Variants in AHDC1 observed in about 807,000 individuals in gnomAD.
AHDC1 encodes AT-hook DNA binding motif containing 1.
A neutral mutation model predicts 87.9 loss-of-function variants in AHDC1; 7 were observed. That is an observed-to-expected ratio of 0.08 (90% CI 0.05 to 0.15). AHDC1 has a LOEUF of 0.15. Ranked by LOEUF, AHDC1 falls within the 10% of genes least tolerant of loss-of-function variation. The pLI, the probability that AHDC1 is intolerant of heterozygous loss-of-function variation, is 1.00. For synonymous variants in AHDC1, 1,051 were observed against 1,006.8 expected, an observed-to-expected ratio of 1.04 and a Z score of -0.83; for missense variants, 1,841 against 2,253.2, an observed-to-expected ratio of 0.82 and a Z score of 3.70.
chr1:27,600,181 G>A (rs1431274824), intron 3 of AHDC1, among the ~76,000 whole-genome samples: 1 of 151,502 alleles, frequency 6.6e-6, no homozygotes, highest in Non-Finnish European at 1.5e-5. Flanking sequence ...TCGCTCCCCC[G>A]CCCCCCTCCC....
At chr1:27,566,941 G>A (rs2020348057) in intron 3 of AHDC1, among the ~76,000 whole-genome samples, 1 of 151,894 alleles carries the variant, frequency 6.6e-6, no homozygotes, top group Non-Finnish European at 1.5e-5. Flanking sequence ...CAGAAAGGCA[G>A]GGTAAGGAAG....
In AHDC1 at chr1:27,550,073, GC is replaced by G; in HGVS notation, c.2042del (p.Gly681AlafsTer51). 1 of 1,607,902 alleles carries G rather than the reference GC, an allele frequency of 6.2e-7. No homozygotes were observed. The highest frequency in any genetic ancestry group is 8.5e-7 in the Non-Finnish European group (1 of 1,177,070). On this transcript the variant is annotated frameshift_variant, in exon 8 of 9. Transcript: ENST00000673934. LOFTEE classifies it high-confidence loss of function. ...AGCATCGGGCTGACTTGGCCGCATGGCCCCCACCCCGGCCACCAAAACCGCC... is the reference window on the plus strand; with the variant it reads ...AGCATCGGGCTGACTTGGCCGCATGGCCCCACCCCGGCCACCAAAACCGCC... ...KAGGFGGRGGGHAAKSARCSF... is the reference protein window; with the variant it reads ...KAGGFGGRGGXHAAKSARCSF...
intron 5 of AHDC1, among the ~76,000 whole-genome samples, chr1:27,557,953 C>T (rs886267301): frequency 1.3e-5 from 2 of 152,214 alleles, no homozygotes; most frequent in African/African-American, 2.4e-5. Flanking sequence ...CATTTACATT[C>T]GGATACACAC....
At chr1:27,570,193 C>A (rs1166151711) in intron 3 of AHDC1, among the ~76,000 whole-genome samples, 1 of 152,114 alleles carries the variant, frequency 6.6e-6, no homozygotes, top group Non-Finnish European at 1.5e-5. Context: ...CTCCCTGCCC[C>A]CTGCCCAAGC....
intron 3 of AHDC1, among the ~76,000 whole-genome samples, chr1:27,573,989 C>A (rs2088625332): frequency 6.6e-6 from 1 of 152,196 alleles, no homozygotes; most frequent in Non-Finnish European, 1.5e-5. Context: ...ACAGGGAGAA[C>A]TGGGGATAGG....
chr1:27,548,510 C>T lies in AHDC1; in HGVS notation c.3606G>A (p.Glu1202=), dbSNP rs1253060342. 25 of 1,613,842 alleles carry T rather than the reference C, an allele frequency of 1.5e-5. No individual in the cohort carries two copies. Among genetic ancestry groups the T allele is most frequent in the Non-Finnish European group, 1.9e-5 (23 of 1,180,060 alleles). The part of the protein sequence containing the change: ...SEGQSSLSSL[E]KLMMDWNEAS... ...CCTCGTTCCAGTCCATCATCAGTTT[C>T]TCCAGGCTGGACAGGCTCGACTGGC... is the stretch of plus-strand genomic sequence containing the variant. Residue 1202 remains glutamate, a synonymous_variant, in exon 8 of 9, where the codon GAG becomes GAA. Coordinates refer to ENST00000673934, the MANE Select transcript of AHDC1 (RefSeq NM_001371928.1).
At chr1:27,543,948 GAAAA>G (rs113660977) in intron 8 of AHDC1, among the ~76,000 whole-genome samples, 2 of 127,486 alleles carry the variant, frequency 1.6e-5, no homozygotes, top group African/African-American at 5.8e-5. Flanking sequence ...ATCTCAAAAA[GAAAA>G]AAAAAAAAAA....
At chr1:27,575,306 C>T (rs1188589331) in intron 3 of AHDC1, among the ~76,000 whole-genome samples, 1 of 152,212 alleles carries the variant, frequency 6.6e-6, no homozygotes, top group Non-Finnish European at 1.5e-5. Context: ...GAGAGGGAAA[C>T]CAGGCGGCTG....
In AHDC1 at chr1:27,549,506, G is replaced by T. The variant is rs1248377869; in HGVS notation, c.2610C>A (p.Thr870=). 6.2e-7 allele frequency: 1 copy of T among 1,613,304 alleles called. No homozygotes were observed. Among genetic ancestry groups the T allele is most frequent in the Admixed American group, 1.7e-5 (1 of 60,030 alleles). ...GGGCACTGGTGGGTGGCCCTGCATAGGTGCCCGATGCCTTCCGGGACTCTG... is the reference window on the plus strand; with the variant it reads ...GGGCACTGGTGGGTGGCCCTGCATATGTGCCCGATGCCTTCCGGGACTCTG... ...SRPESRKASG[T]YAGPPTSALP... is the part of the protein sequence containing the mutation. The change falls in exon 8 of 9, where the codon ACC becomes ACA. Residue 870 remains threonine, a synonymous_variant. Transcript: ENST00000673934.
intron 3 of AHDC1, among the ~76,000 whole-genome samples, chr1:27,591,887 T>C (rs1322258547): frequency 6.6e-6 from 1 of 152,160 alleles, no homozygotes; most frequent in East Asian, 1.9e-4. Context: ...TGACACATAA[T>C]AAGTGCTTGA....
In AHDC1 at chr1:27,549,815, C is replaced by T. The variant is rs770329151; in HGVS notation, c.2301G>A (p.Glu767=). ...AGCCACCACCCTTATCCCCGGCCCA[C>T]TCAGCACCTGCCTCCCCAAAGCCTG... The part of the protein sequence containing the change: ...SGPGFGEAGA[E]WAGDKGGGWA... Residue 767 remains glutamate, a synonymous_variant, in exon 8 of 9, where the codon GAG becomes GAA. Transcript: ENST00000673934. 4 of 1,613,592 alleles carry T rather than the reference C, an allele frequency of 2.5e-6. No homozygotes were observed. Among genetic ancestry groups the T allele is most frequent in the Non-Finnish European group, 2.5e-6 (3 of 1,179,970 alleles).
At chr1:27,569,751 C>T (rs576305050) in intron 3 of AHDC1, among the ~76,000 whole-genome samples, 4 of 152,200 alleles carry the variant, frequency 2.6e-5, no homozygotes, top group Admixed American at 1.3e-4. Flanking sequence ...CCCTGACCCC[C>T]GGATGACAAA....
chr1:27,557,337 C>T (rs1384804311), intron 5 of AHDC1, among the ~76,000 whole-genome samples: 1 of 151,526 alleles, frequency 6.6e-6, no homozygotes, highest in Admixed American at 6.6e-5. Context: ...CGGAGGACTC[C>T]CCTCCTCCAG....
chr1:27,573,181 C>T (rs771031256), intron 3 of AHDC1, among the ~76,000 whole-genome samples: 3 of 152,172 alleles, frequency 2.0e-5, no homozygotes, highest in Non-Finnish European at 2.9e-5. Flanking sequence ...ACTTGGTTCT[C>T]TGTGTGCGCC....
chr1:27,596,861 C>T (rs1162049458), intron 3 of AHDC1, among the ~76,000 whole-genome samples: 1 of 151,866 alleles, frequency 6.6e-6, no homozygotes, highest in Admixed American at 6.6e-5. Flanking sequence ...ACACACACAC[C>T]CACACACTCC....
At chr1:27,580,008 C>G (rs58320318) in intron 3 of AHDC1, among the ~76,000 whole-genome samples, 1,739 of 152,228 alleles carry the variant, frequency 0.011, 35 homozygotes, top group African/African-American at 0.037. Flanking sequence ...GTTCCAAATC[C>G]TACTCTGATC....
chr1:27,546,671 AG>A (rs1442962141), intron 8 of AHDC1, among the ~76,000 whole-genome samples: 6 of 152,166 alleles, frequency 3.9e-5, no homozygotes, highest in Admixed American at 2.6e-4. Flanking sequence ...AGGCCAAGAG[AG>A]GACATTTTGG....
In AHDC1 at chr1:27,561,408, A is replaced by T. The variant is rs2020075883; in HGVS notation, c.-628-2525T>A. Among the ~76,000 whole-genome samples, 1 of 152,146 alleles carries T rather than the reference A, an allele frequency of 6.6e-6. No homozygotes were observed. The highest frequency in any genetic ancestry group is 1.5e-5 in the Non-Finnish European group (1 of 68,016). ...TCCACAACCTGATACTCCCCAGCAGATAAACGTCAGGCCCCCACCCAGTGT... is the reference window on the plus strand; with the variant it reads ...TCCACAACCTGATACTCCCCAGCAGTTAAACGTCAGGCCCCCACCCAGTGT... On this transcript the variant is annotated intron_variant, in intron 3 of 8. Coordinates refer to ENST00000673934, the MANE Select transcript of AHDC1 (RefSeq NM_001371928.1). The surrounding 1 kb of genome is among the most constrained non-coding windows in gnomAD (Gnocchi z 4.2).
In AHDC1 at chr1:27,598,999, G is replaced by C. The variant is rs1052642463; in HGVS notation, c.-629+4398C>G. Reference sequence around the variant, plus strand: ...AGCTCACAGTCCAAATCCCACAATGGATGGGGAAACTGAGGCCCAAGAGGA... The same window carrying C: ...AGCTCACAGTCCAAATCCCACAATGCATGGGGAAACTGAGGCCCAAGAGGA... On this transcript the variant is annotated intron_variant, in intron 3 of 8. Coordinates refer to ENST00000673934, the MANE Select transcript of AHDC1 (RefSeq NM_001371928.1). The surrounding 1 kb of genome is among the most constrained non-coding windows in gnomAD (Gnocchi z 4.2). Among the ~76,000 whole-genome samples, 2 of 152,102 alleles carry C rather than the reference G, an allele frequency of 1.3e-5. No individual in the cohort carries two copies. The highest frequency in any genetic ancestry group is 4.8e-5 in the African/African-American group (2 of 41,400).
Sources: allele counts gnomAD v4.1 joint callset (sites outside exome capture counted in the v4.1 genomes callset), GRCh38; gene constraint gnomAD v4.1.1; non-coding constraint Gnocchi (gnomAD v3.1); transcripts MANE v1.5; gene names NCBI Gene and HGNC (gene_info 2026-07-23, HGNC 2026-07-21).